PCDHA3: variants seen among roughly 807,000 people sequenced by gnomAD.
PCDHA3 encodes protocadherin alpha 3, also known as protocadherin alpha-3.
A neutral mutation model predicts 62.2 loss-of-function variants in PCDHA3; 41 were observed. The observed-to-expected ratio is 0.66, with a 90% CI of 0.51 to 0.86. The LOEUF (loss-of-function observed/expected upper bound fraction) is 0.86. Among genes scored for constraint, PCDHA3 ranks in the 40% least tolerant of loss-of-function variants. The probability of loss-of-function intolerance (pLI) is 0.00; values close to 1 mark genes in which losing one functional copy is unlikely to be tolerated. For missense variants in PCDHA3, 1,304 were observed against 1,241.2 expected (o/e 1.05, Z -0.76); for synonymous variants, 640 against 555.4 (o/e 1.15, Z -2.14).
intron 1 of PCDHA3, chr5:140,807,586 C>T (rs782149681): frequency 1.9e-6 from 3 of 1,614,152 alleles, no homozygotes; most frequent in Non-Finnish European, 2.5e-6. Context: ...CGCCGGTGTT[C>T]CCAGCAACAC....
At position 140,850,659 on chromosome 5, in the gene PCDHA3, C is replaced by T. The variant is rs2150492526; in HGVS notation, c.2394+47068C>T. On this transcript the variant is annotated intron_variant, in intron 1 of 3. Coordinates refer to ENST00000522353, the MANE Select transcript of PCDHA3 (RefSeq NM_018906.3). ...CACGCTGCTGCTGTACACTGTGCTG[C>T]GGTGCTCGGCGATGCCCACCGAGGG... is the stretch of plus-strand genomic sequence containing the variant. 2.2e-5 allele frequency: 35 copies of T among 1,598,248 alleles called. No homozygotes were observed. The South Asian group carries it at 3.1e-4, about 14-fold the overall frequency.
intron 1 of PCDHA3, chr5:140,850,718 TTCTAGCGCGGTGGGGAGTTGGTCGTAC>T (rs2041783529): frequency 1.3e-6 from 2 of 1,597,556 alleles, no homozygotes; most frequent in African/African-American, 2.7e-5. Flanking sequence ...CGCTGGTGTG[TTCTAGCGCGGTGGGGAGTTGGTCGTAC>T]TCGCAGCAGA....
At chr5:140,824,029 C>T (rs1470946833) in intron 1 of PCDHA3, 1 of 1,614,040 alleles carries the variant, frequency 6.2e-7, no homozygotes, top group African/African-American at 1.3e-5. Flanking sequence ...GTACTCGCAG[C>T]AGAGGAGACA....
intron 1 of PCDHA3, chr5:140,822,289 A>T: frequency 1.2e-6 from 2 of 1,614,240 alleles, no homozygotes; most frequent in Admixed American, 1.7e-5. Flanking sequence ...ATACAGGTTA[A>T]ATCCAAACGA....
At chr5:140,858,250 G>C in intron 1 of PCDHA3, 1 of 1,596,872 alleles carries the variant, frequency 6.3e-7, no homozygotes, top group Non-Finnish European at 8.6e-7. Flanking sequence ...GGCCGGTGAA[G>C]CCCACGCTGG....
chr5:140,885,287 G>T (rs1224083539), intron 1 of PCDHA3, among the ~76,000 whole-genome samples: 1 of 152,050 alleles, frequency 6.6e-6, no homozygotes, highest in African/African-American at 2.4e-5. Context: ...TACATATATA[G>T]AGAGAGACCT....
rs199624636 is a variant in PCDHA3, at chr5:141,009,721, C to T, written c.2637C>T (p.Ser879=). The change falls in exon 4 of 4, where the codon TCC becomes TCT. Residue 879 remains serine (S), a synonymous_variant. Coordinates refer to ENST00000522353, the MANE Select transcript of PCDHA3 (RefSeq NM_018906.3). ...FKYGPGNPKQ[S]GPGELPDKFI... ...ACGGACCAGGCAACCCCAAACAATCCGGTCCCGGTGAGTTGCCCGACAAAT... is the reference window on the plus strand; with the variant it reads ...ACGGACCAGGCAACCCCAAACAATCTGGTCCCGGTGAGTTGCCCGACAAAT... 1.3e-5 allele frequency: 21 copies of T among 1,614,012 alleles called. No individual in the cohort carries two copies. The highest frequency in any genetic ancestry group is 1.7e-5 in the Non-Finnish European group (20 of 1,180,038).
Position 140,929,404 on chromosome 5 carries a change from G to A in PCDHA3, c.2395-49545G>A, listed in dbSNP as rs530409256. 1.4e-5 allele frequency: 21 copies of A among 1,506,596 alleles called. No individual in the cohort carries two copies. The South Asian group carries it at 1.9e-4, about 14-fold the overall frequency. The allele number at this position is 1,506,596 out of a possible 1,614,324, so 93.3% of individuals were successfully genotyped here. A position where few individuals can be genotyped will look rare whatever the true frequency, so the allele number is the denominator to read the frequency against. ...GTGTTTTGAAATATTTCTTAGACAAGCCTTTCACAACATTTCATCAATTGA... is the reference window on the plus strand; with the variant it reads ...GTGTTTTGAAATATTTCTTAGACAAACCTTTCACAACATTTCATCAATTGA... On this transcript the variant is annotated intron_variant, in intron 1 of 3. Coordinates refer to ENST00000522353, the MANE Select transcript of PCDHA3 (RefSeq NM_018906.3).
At chr5:140,884,833 C>G in intron 1 of PCDHA3, 1 of 916,634 alleles carries the variant, frequency 1.1e-6, no homozygotes, top group Non-Finnish European at 1.5e-6. Context: ...GTTGGATTAT[C>G]CTTCAGAGTG....
intron 1 of PCDHA3, chr5:140,867,441 G>A (rs1188505395): frequency 1.3e-5 from 2 of 152,032 alleles, no homozygotes; most frequent in African/African-American, 4.8e-5. Flanking sequence ...GCATTTACCT[G>A]AATTAGAGTT....
intron 1 of PCDHA3, among the ~76,000 whole-genome samples, chr5:140,958,944 T>G (rs199974895): frequency 1.0e-5 from 1 of 100,018 alleles, no homozygotes; most frequent in African/African-American, 4.8e-5. Context: ...TGTAATAATA[T>G]TATATTATTA....
intron 3 of PCDHA3, among the ~76,000 whole-genome samples, chr5:140,991,495 A>C (rs1331520722): frequency 6.6e-6 from 1 of 152,220 alleles, no homozygotes; most frequent in Non-Finnish European, 1.5e-5. Flanking sequence ...GTCCACAGTG[A>C]GTTTCACTGG....
At chr5:141,003,928 G>A (rs1479798792) in intron 3 of PCDHA3, among the ~76,000 whole-genome samples, 1 of 152,128 alleles carries the variant, frequency 6.6e-6, no homozygotes, top group Non-Finnish European at 1.5e-5. Context: ...CCTCAGTCTT[G>A]TCTTTGCCTG....
At chr5:140,921,920 TTA>T (rs1253318185) in intron 1 of PCDHA3, among the ~76,000 whole-genome samples, 1 of 151,888 alleles carries the variant, frequency 6.6e-6, no homozygotes, top group African/African-American at 2.4e-5. Flanking sequence ...ATGATAAAAC[TTA>T]TAGTCAATAT....
chr5:140,997,686 G>T (rs1005092816), intron 3 of PCDHA3, among the ~76,000 whole-genome samples: 1 of 151,980 alleles, frequency 6.6e-6, no homozygotes, highest in Non-Finnish European at 1.5e-5. Flanking sequence ...GTGTGTGTGT[G>T]TGTGTGTGTG....
intron 1 of PCDHA3, among the ~76,000 whole-genome samples, chr5:140,827,066 C>T (rs1769167179): frequency 6.6e-6 from 1 of 152,076 alleles, no homozygotes; most frequent in African/African-American, 2.4e-5. Context: ...TTGCTCATGC[C>T]TTGCTATTTA....
At chr5:140,958,406 G>A (rs576536874) in intron 1 of PCDHA3, among the ~76,000 whole-genome samples, 2 of 152,204 alleles carry the variant, frequency 1.3e-5, no homozygotes, top group African/African-American at 4.8e-5. Context: ...CATTATCACT[G>A]ATGCTTGGAA....
chr5:140,999,176 T>A (rs546665453), intron 3 of PCDHA3, among the ~76,000 whole-genome samples: 1 of 152,274 alleles, frequency 6.6e-6, no homozygotes, highest in African/African-American at 2.4e-5. Context: ...AAGAGCCTGA[T>A]GGGGAGAGGG....
chr5:140,875,610 C>T (rs1266412721), intron 1 of PCDHA3: 6 of 1,613,716 alleles, frequency 3.7e-6, no homozygotes, highest in African/African-American at 1.3e-5. Flanking sequence ...CCTTCGTGGG[C>T]CGCATCGCTC....
Sources: gnomAD v4.1 joint callset for allele counts (sites outside exome capture counted in the v4.1 genomes callset) on GRCh38, gnomAD v4.1.1 for gene constraint, MANE v1.5 for transcripts, NCBI Gene and HGNC (gene_info 2026-07-23, HGNC 2026-07-21) for gene names.